Variants in TRIM44 observed in about 807,000 individuals in gnomAD.
TRIM44 encodes the protein tripartite motif containing 44.
Under a neutral mutation model 37.4 loss-of-function variants are expected in TRIM44, and 13 were observed. The ratio of observed to expected loss-of-function variants is 0.35; its 90% CI spans 0.23 to 0.55. The LOEUF is 0.55. Ranked by LOEUF, TRIM44 falls within the 20% of genes least tolerant of loss-of-function variation. The pLI, the probability that TRIM44 is intolerant of heterozygous loss-of-function variation, is 0.89. For missense variants in TRIM44, 426 were observed against 437.2 expected, an observed-to-expected ratio of 0.97 and a Z score of 0.23; for synonymous variants, 175 against 157.2, an observed-to-expected ratio of 1.11 and a Z score of -0.85.
intron 4 of TRIM44, among the ~76,000 whole-genome samples, chr11:35,744,597 C>T (rs563773100): frequency 6.6e-6 from 1 of 151,936 alleles, no homozygotes; most frequent in African/African-American, 2.4e-5. Flanking sequence ...GGTACATGTG[C>T]AGGACGTGCA....
chr11:35,755,465 T>C (rs1166845792), intron 4 of TRIM44, among the ~76,000 whole-genome samples: 3 of 152,134 alleles, frequency 2.0e-5, no homozygotes, highest in Non-Finnish European at 4.4e-5. Context: ...GCCTGTTCAC[T>C]CTGAGGGTAG....
intron 1 of TRIM44, among the ~76,000 whole-genome samples, chr11:35,667,504 G>A (rs1851345307): frequency 6.6e-6 from 1 of 152,148 alleles, no homozygotes; most frequent in Non-Finnish European, 1.5e-5. Context: ...TGAGTTGCTA[G>A]GACTACAGGT....
chr11:35,760,034 A>G (rs1365382677), intron 4 of TRIM44, among the ~76,000 whole-genome samples: 1 of 152,238 alleles, frequency 6.6e-6, no homozygotes, highest in Non-Finnish European at 1.5e-5. Context: ...AAACAGGGAC[A>G]TATAAGTCTG....
At chr11:35,728,524 C>T (rs1852214862) in intron 3 of TRIM44, among the ~76,000 whole-genome samples, 1 of 152,106 alleles carries the variant, frequency 6.6e-6, no homozygotes. Context: ...CTATTAAAAA[C>T]AGAGATAGCG....
At chr11:35,789,899 C>A (rs951761297) in intron 4 of TRIM44, among the ~76,000 whole-genome samples, 2 of 152,084 alleles carry the variant, frequency 1.3e-5, no homozygotes, top group Admixed American at 1.3e-4. Context: ...CTATTGAAAT[C>A]TATCGTGAAT....
intron 1 of TRIM44, among the ~76,000 whole-genome samples, 196 bp from the exon 2 acceptor site, chr11:35,685,063 C>T (rs1487133133): frequency 6.6e-6 from 1 of 152,148 alleles, no homozygotes; most frequent in Non-Finnish European, 1.5e-5. Context: ...TTGTGCCAGT[C>T]ACTGGGCAAT....
chr11:35,749,663 G>A lies in TRIM44; in HGVS notation c.1007+14218G>A, dbSNP rs1040696446. 3.9e-5 allele frequency among the ~76,000 whole-genome samples: 6 copies of A among 152,310 alleles called. No homozygotes were observed. In the East Asian group the frequency reaches 1.2e-3, roughly 29 times the overall value. On this transcript the variant is annotated intron_variant, in intron 4 of 4. Coordinates refer to ENST00000299413, the MANE Select transcript of TRIM44 (RefSeq NM_017583.6). ...GTGCCACTGCACTCCAGCCTGGCCA[G>A]TGAAGCAAGACTCCATCCTAAAACA...
chr11:35,739,798 C>A (rs1423613843), intron 4 of TRIM44, among the ~76,000 whole-genome samples: 1 of 152,080 alleles, frequency 6.6e-6, no homozygotes, highest in Non-Finnish European at 1.5e-5. Context: ...AACAAAAGTC[C>A]TAATATGTAA....
At position 35,816,010 on chromosome 11, in the gene TRIM44, C is replaced by G. The variant is rs1186811454; in HGVS notation, c.*9625C>G. On this transcript the variant is annotated 3_prime_UTR_variant, in exon 5 of 5. Coordinates refer to ENST00000299413, the MANE Select transcript of TRIM44 (RefSeq NM_017583.6). ...TCAGACCTGGCCCATTGTCAAATGG[C>G]AGACTTGCAGAGCAAATAAGGGACC... 6.6e-6 allele frequency: 1 copy of G among 152,330 alleles called. No individual in the cohort carries two copies. The highest frequency in any genetic ancestry group is 1.9e-4 in the East Asian group (1 of 5,186). 9.4% of individuals were successfully genotyped at this position (152,330 alleles called of 1,614,324 possible).
intron 4 of TRIM44, among the ~76,000 whole-genome samples, chr11:35,781,490 C>T (rs187137293): frequency 5.3e-5 from 8 of 152,132 alleles, no homozygotes; most frequent in South Asian, 2.1e-4. Flanking sequence ...GCCTGAGGAG[C>T]GACTCACTGT....
In TRIM44 at chr11:35,760,623, G is replaced by A. The variant is rs572682907; in HGVS notation, c.1007+25178G>A. Reference sequence around the variant, plus strand: ...CTGTAGACTGGAACTGTTCCTATTCGGCCATCTTGGCTCCACTTCCTATGT... The same window carrying A: ...CTGTAGACTGGAACTGTTCCTATTCAGCCATCTTGGCTCCACTTCCTATGT... On this transcript the variant is annotated intron_variant, in intron 4 of 4. Transcript: ENST00000299413. Among the ~76,000 whole-genome samples, 18 of 152,184 alleles carry A rather than the reference G, an allele frequency of 1.2e-4. No homozygotes were observed. In the South Asian group the frequency reaches 2.5e-3, roughly 21 times the overall value.
rs200170065 is a variant in TRIM44, at chr11:35,783,911, GTCT to G, written c.1008-22443_1008-22441del. Among the ~76,000 whole-genome samples the G allele has an allele frequency of 2.0e-3, 309 of 152,282 alleles. 4 individuals are homozygous for G. Among genetic ancestry groups the G allele is most frequent in the East Asian group, 0.015 (77 of 5,170 alleles). On this transcript the variant is annotated intron_variant, in intron 4 of 4. Transcript: ENST00000299413. ...GATACACGTTTTGGGGTGCCCCAAG[GTCT>G]TCTGGCCATCTTATATACAGCCAGC...
At chr11:35,666,583 T>C (rs1440698355) in intron 1 of TRIM44, among the ~76,000 whole-genome samples, 1 of 152,180 alleles carries the variant, frequency 6.6e-6, no homozygotes, top group Non-Finnish European at 1.5e-5. Context: ...TATTCCTAGA[T>C]ACTTCATAAT....
intron 4 of TRIM44, among the ~76,000 whole-genome samples, chr11:35,790,960 A>T (rs917952004): frequency 2.0e-5 from 3 of 152,194 alleles, no homozygotes; most frequent in Non-Finnish European, 4.4e-5. Context: ...CTTCTCAGTT[A>T]TACTCATCTG....
At chr11:35,706,652 A>C (rs1851887890) in intron 2 of TRIM44, among the ~76,000 whole-genome samples, 1 of 152,126 alleles carries the variant, frequency 6.6e-6, no homozygotes, top group Non-Finnish European at 1.5e-5. Flanking sequence ...ACAGAACCAA[A>C]GACAAAAACC....
At chr11:35,766,110 A>G (rs1852796050) in intron 4 of TRIM44, among the ~76,000 whole-genome samples, 2 of 152,150 alleles carry the variant, frequency 1.3e-5, no homozygotes, top group African/African-American at 4.8e-5. Flanking sequence ...TACCTTCCAG[A>G]ACAGCCTCCT....
At chr11:35,776,179 C>A (rs184347679) in intron 4 of TRIM44, among the ~76,000 whole-genome samples, 221 of 151,284 alleles carry the variant, frequency 1.5e-3, no homozygotes, top group African/African-American at 5.1e-3. Flanking sequence ...GATTCAACTT[C>A]TAGTCTTGGG....
chr11:35,691,059 C>T (rs1001518102), intron 2 of TRIM44, among the ~76,000 whole-genome samples: 8 of 152,190 alleles, frequency 5.3e-5, no homozygotes, highest in African/African-American at 1.9e-4. Context: ...AGCACAGTCC[C>T]CCACAGCTCC....
At chr11:35,778,681 C>T (rs1486107413) in intron 4 of TRIM44, among the ~76,000 whole-genome samples, 1 of 152,192 alleles carries the variant, frequency 6.6e-6, no homozygotes, top group South Asian at 2.1e-4. Flanking sequence ...CTCCTTCTAA[C>T]AGTCAGGACC....
Sources: gnomAD v4.1 joint callset for allele counts (sites outside exome capture counted in the v4.1 genomes callset) on GRCh38, gnomAD v4.1.1 for gene constraint, MANE v1.5 for transcripts, NCBI Gene and HGNC (gene_info 2026-07-23, HGNC 2026-07-21) for gene names.